Variants in SORCS3 observed in about 807,000 individuals in gnomAD.
The protein encoded by SORCS3 is VPS10 domain-containing receptor SorCS3.
A neutral mutation model predicts 146.3 loss-of-function variants in SORCS3; 57 were observed. The ratio of observed to expected loss-of-function variants is 0.39; its 90% CI spans 0.31 to 0.49. The LOEUF (loss-of-function observed/expected upper bound fraction) is 0.49. SORCS3 is among the 20% of genes least tolerant of loss of function. The pLI, the probability that SORCS3 is intolerant of heterozygous loss-of-function variation, is 0.92. For missense variants in SORCS3, 1,341 were observed against 1,575.5 expected (o/e 0.85, Z 2.52); for synonymous variants, 653 against 618.5 (o/e 1.06, Z -0.83).
chr10:105,187,215 A>G (rs908385310), intron 14 of SORCS3, among the ~76,000 whole-genome samples: 11 of 151,514 alleles, frequency 7.3e-5, no homozygotes, highest in Admixed American at 2.0e-4. Flanking sequence ...CCTTCCACCC[A>G]CCTCTTCCCC....
At chr10:104,854,529 T>C (rs1257303890) in intron 2 of SORCS3, among the ~76,000 whole-genome samples, 1 of 152,222 alleles carries the variant, frequency 6.6e-6, no homozygotes, top group Non-Finnish European at 1.5e-5. Context: ...GATATTGACA[T>C]TGATATAATC....
intron 20 of SORCS3, among the ~76,000 whole-genome samples, chr10:105,232,247 T>C (rs1052497838): frequency 1.3e-5 from 2 of 152,140 alleles, no homozygotes; most frequent in Non-Finnish European, 2.9e-5. Context: ...AATAACCTTT[T>C]TCATCCTGTG....
At chr10:104,770,361 A>T (rs139968994) in intron 1 of SORCS3, among the ~76,000 whole-genome samples, 8 of 152,282 alleles carry the variant, frequency 5.3e-5, no homozygotes, top group African/African-American at 1.9e-4. Context: ...TATAAGTGGA[A>T]AAGGGGACTC....
chr10:104,946,526 A>G (rs945541482), intron 3 of SORCS3, among the ~76,000 whole-genome samples: 1 of 152,220 alleles, frequency 6.6e-6, no homozygotes, highest in Admixed American at 6.5e-5. Context: ...AGGAGCTTTC[A>G]TGAGGAGGCA....
chr10:104,841,706 C>A (rs1482946345), intron 1 of SORCS3, among the ~76,000 whole-genome samples: 2 of 151,726 alleles, frequency 1.3e-5, no homozygotes, highest in Non-Finnish European at 2.9e-5. Flanking sequence ...ATGGGAAAGT[C>A]CCATCTCGGT....
chr10:105,247,206 T>C lies in SORCS3; in HGVS notation c.2993-13T>C, dbSNP rs747423802. The C allele has an allele frequency of 6.7e-7, 1 of 1,494,228 alleles. No homozygotes were observed. The highest frequency in any genetic ancestry group is 2.3e-5 in the East Asian group (1 of 43,838). 92.6% of individuals were successfully genotyped at this position (1,494,228 alleles called of 1,614,324 possible). ...CTCTCCCAGCCTCACTTAAACATTCTCTCTCCCTGCAGAATATTTCCAGTC... is the reference window on the plus strand; with the variant it reads ...CTCTCCCAGCCTCACTTAAACATTCCCTCTCCCTGCAGAATATTTCCAGTC... On this transcript the variant is annotated splice_polypyrimidine_tract_variant and intron_variant, in intron 21 of 26. Coordinates refer to ENST00000369701, the MANE Select transcript of SORCS3 (RefSeq NM_014978.3).
chr10:104,996,684 A>G (rs1477297224), intron 4 of SORCS3, among the ~76,000 whole-genome samples: 2 of 152,206 alleles, frequency 1.3e-5, no homozygotes, highest in African/African-American at 4.8e-5. Flanking sequence ...ACTGAGTACA[A>G]ATATTGTAAC....
At chr10:105,083,344 G>A (rs2055638098) in intron 5 of SORCS3, among the ~76,000 whole-genome samples, 1 of 151,808 alleles carries the variant, frequency 6.6e-6, no homozygotes, top group Non-Finnish European at 1.5e-5. Flanking sequence ...GGAGCTTTAT[G>A]TGTCCTGAGG....
chr10:104,745,130 G>A (rs1004546619), intron 1 of SORCS3, among the ~76,000 whole-genome samples: 2 of 152,158 alleles, frequency 1.3e-5, no homozygotes, highest in African/African-American at 4.8e-5. Context: ...GTGGCTACAA[G>A]CCTTGGGTCT....
At chr10:104,866,563 C>A (rs961991044) in intron 2 of SORCS3, among the ~76,000 whole-genome samples, 1 of 152,218 alleles carries the variant, frequency 6.6e-6, no homozygotes, top group Non-Finnish European at 1.5e-5. Context: ...AGCTGTAATT[C>A]ATATGCAAAT....
At chr10:105,249,601 G>A (rs769565272) in intron 22 of SORCS3, among the ~76,000 whole-genome samples, 1 of 152,126 alleles carries the variant, frequency 6.6e-6, no homozygotes, top group Admixed American at 6.5e-5. Context: ...GAGAATGAGG[G>A]CTGGGAGCGG....
intron 2 of SORCS3, among the ~76,000 whole-genome samples, chr10:104,847,275 A>G (rs1381749372): frequency 6.6e-6 from 1 of 152,154 alleles, no homozygotes; most frequent in Non-Finnish European, 1.5e-5. Context: ...AGGTTATTAA[A>G]TCTTTACTTT....
intron 13 of SORCS3, among the ~76,000 whole-genome samples, chr10:105,175,301 C>T (rs1235328453): frequency 6.7e-6 from 1 of 149,698 alleles, no homozygotes; most frequent in Admixed American, 6.7e-5. Context: ...CTTCGGTGAT[C>T]TACCTGCCTC....
chr10:104,937,027 A>G (rs1328902774), intron 3 of SORCS3, among the ~76,000 whole-genome samples: 1 of 152,208 alleles, frequency 6.6e-6, no homozygotes, highest in Non-Finnish European at 1.5e-5. Context: ...CAATTTTTCC[A>G]CAGATGGGGG....
intron 16 of SORCS3, 61 bp downstream of exon 16, chr10:105,201,314 G>C: frequency 2.6e-6 from 4 of 1,554,076 alleles, no homozygotes; most frequent in Non-Finnish European, 3.5e-6. Flanking sequence ...TGTGGGGTGG[G>C]GTGGGGTGAA....
chr10:104,815,936 A>G (rs2017792950), intron 1 of SORCS3, among the ~76,000 whole-genome samples: 1 of 152,252 alleles, frequency 6.6e-6, no homozygotes, highest in South Asian at 2.1e-4. Context: ...AATCTATCAT[A>G]GAATATGCTA....
In SORCS3 at chr10:104,962,561, T is replaced by C. The variant is rs137981343; in HGVS notation, c.796-14774T>C. On this transcript the variant is annotated intron_variant, in intron 3 of 26. Coordinates refer to ENST00000369701, the MANE Select transcript of SORCS3 (RefSeq NM_014978.3). ...CTGTTTTTCCTGTCCACACTGAGTC[T>C]TCTTCACTACCCCACCCTCATGACA... is the stretch of plus-strand genomic sequence containing the variant. 7.2e-3 allele frequency among the ~76,000 whole-genome samples: 1,095 copies of C among 152,268 alleles called. 13 individuals are homozygous for C. The highest frequency in any genetic ancestry group is 0.025 in the African/African-American group (1,056 of 41,546).
At chr10:104,729,627 A>G (rs2016683319) in intron 1 of SORCS3, among the ~76,000 whole-genome samples, 1 of 152,248 alleles carries the variant, frequency 6.6e-6, no homozygotes, top group Admixed American at 6.5e-5. Context: ...AAAAAAGTAA[A>G]ACAACTGCAC....
At chr10:105,112,060 T>C (rs1338100634) in intron 7 of SORCS3, among the ~76,000 whole-genome samples, 2 of 152,228 alleles carry the variant, frequency 1.3e-5, no homozygotes, top group African/African-American at 4.8e-5. Flanking sequence ...TGTTCCCCTC[T>C]TTATAGTTGC....
Sources: allele counts gnomAD v4.1 joint callset (sites outside exome capture counted in the v4.1 genomes callset), GRCh38; gene constraint gnomAD v4.1.1; transcripts MANE v1.5; gene names NCBI Gene and HGNC (gene_info 2026-07-23, HGNC 2026-07-21).